Variants in EBNA1BP2 observed in about 807,000 individuals in gnomAD.
The protein encoded by EBNA1BP2 is EBNA1 binding protein 2, also known as probable rRNA-processing protein EBP2.
Under a neutral mutation model 43.5 loss-of-function variants are expected in EBNA1BP2, and 36 were observed. The observed-to-expected ratio is 0.83, with a 90% CI of 0.63 to 1.09. The LOEUF is 1.09. Among genes scored for constraint, EBNA1BP2 ranks in the 50% least tolerant of loss-of-function variants. The probability of loss-of-function intolerance (pLI) is 0.00; values close to 1 mark genes in which losing one functional copy is unlikely to be tolerated. For synonymous variants in EBNA1BP2, 127 were observed against 141.3 expected (o/e 0.90, Z 0.72); for missense variants, 332 against 379.1 (o/e 0.88, Z 1.03).
chr1:43,171,903 T>C lies in EBNA1BP2; in HGVS notation c.133A>G (p.Lys45Glu). Residue 45 changes from lysine to glutamate, a missense_variant, in exon 2 of 9, where the codon AAG becomes GAG. Physicochemically the swap from Lys to Glu is moderately conservative, Grantham distance 56. Transcript: ENST00000236051. ...GLNVVLEGPK[K>E]AVNDVNGLKQ... ...ACGCTCACCACGTCGTTCACGGCCT[T>C]CTTCGGCCCCTCTAGCACGACATTG... 4 of 1,614,090 alleles carry C rather than the reference T, an allele frequency of 2.5e-6. No individual in the cohort carries two copies. The highest frequency in any genetic ancestry group is 3.4e-6 in the Non-Finnish European group (4 of 1,179,982).
upstream of EBNA1BP2, chr1:43,172,568 A>AG: frequency 2.6e-6 from 1 of 379,028 alleles, no homozygotes; most frequent in Non-Finnish European, 4.4e-6. Context: ...ACCCCGGGGG[A>AG]GGGGAAAGGG....
intron 4 of EBNA1BP2, among the ~76,000 whole-genome samples, chr1:43,170,456 C>T (rs1169284168): frequency 6.6e-6 from 1 of 152,266 alleles, no homozygotes; most frequent in Non-Finnish European, 1.5e-5. Context: ...GTCCTCTCTG[C>T]ACACCATGTC....
At chr1:43,164,892 A>G in intron 7 of EBNA1BP2, 87 bp from the exon 8 acceptor site, 2 of 1,531,590 alleles carry the variant, frequency 1.3e-6, no homozygotes, top group South Asian at 2.5e-5. Context: ...TTTCCTTTCT[A>G]TAAGCAAAGC....
At chr1:43,171,766 T>A (rs957179992) in intron 2 of EBNA1BP2, 115 bp from the exon 3 acceptor site, 1 of 1,562,070 alleles carries the variant, frequency 6.4e-7, no homozygotes, top group Non-Finnish European at 8.7e-7. Flanking sequence ...GACAGGTAAT[T>A]GACCCTCTTG....
chr1:43,169,981 C>A (rs1281371381), intron 4 of EBNA1BP2, among the ~76,000 whole-genome samples: 3 of 152,112 alleles, frequency 2.0e-5, no homozygotes, highest in Non-Finnish European at 4.4e-5. Context: ...ACGGTTTCAT[C>A]CCAAAACTAT....
At chr1:43,170,036 C>G (rs1327449222) in intron 4 of EBNA1BP2, among the ~76,000 whole-genome samples, 2 of 152,210 alleles carry the variant, frequency 1.3e-5, no homozygotes, top group African/African-American at 2.4e-5. Flanking sequence ...CGAAACTAGT[C>G]TCTAGTGCCA....
chr1:43,169,056 G>A, intron 4 of EBNA1BP2, 28 bp from the exon 5 acceptor site: 1 of 1,609,838 alleles, frequency 6.2e-7, no homozygotes, highest in Non-Finnish European at 8.5e-7. Flanking sequence ...GTCAGTTCAT[G>A]TCATTTGAAT....
Position 43,171,678 on chromosome 1 carries a change from A to C in EBNA1BP2, c.151-27T>G. 1 of 1,608,080 alleles carries C rather than the reference A, an allele frequency of 6.2e-7. No individual in the cohort carries two copies. ...TAGGAAATCCAGACACTGAGCTCAC[A>C]AGAAGGGAACTCTGAGTTTGTCTTT... is the stretch of plus-strand genomic sequence containing the variant. On this transcript the variant is annotated intron_variant, in intron 2 of 8. Coordinates refer to ENST00000236051, the MANE Select transcript of EBNA1BP2 (RefSeq NM_006824.3).
chr1:43,171,004 C>A, intron 3 of EBNA1BP2, 125 bp from the exon 4 acceptor site: 1 of 1,339,222 alleles, frequency 7.5e-7, no homozygotes, highest in Admixed American at 3.0e-5. Context: ...TTAGCAAGAA[C>A]AAACAAACAA....
intron 7 of EBNA1BP2, among the ~76,000 whole-genome samples, chr1:43,166,182 TC>T (rs1363190387): frequency 6.6e-6 from 1 of 152,220 alleles, no homozygotes; most frequent in Non-Finnish European, 1.5e-5. Flanking sequence ...GCATGGTAAC[TC>T]GTTCAAAACT....
At position 43,164,258 on chromosome 1, in the gene EBNA1BP2, G is replaced by T. The variant is rs1644902935; in HGVS notation, c.*185C>A. On this transcript the variant is annotated 3_prime_UTR_variant, in exon 9 of 9. Coordinates refer to ENST00000236051, the MANE Select transcript of EBNA1BP2 (RefSeq NM_006824.3). ...TCTAAATTATCAATAGATAGCAATG[G>T]AAAGTAACTTCTCAATCTTTTAGTC... 3.1e-6 allele frequency: 2 copies of T among 648,008 alleles called. No individual in the cohort carries two copies. The highest frequency in any genetic ancestry group is 2.6e-6 in the Non-Finnish European group (1 of 381,906). The allele number at this position is 648,008 out of a possible 1,614,324, so 40.1% of individuals were successfully genotyped here.
intron 4 of EBNA1BP2, 116 bp downstream of exon 4, chr1:43,170,640 A>C (rs937020065): frequency 2.1e-6 from 3 of 1,434,800 alleles, no homozygotes; most frequent in Non-Finnish European, 2.8e-6. Flanking sequence ...AAGAGGTAAT[A>C]ATTGTCCTCT....
chr1:43,171,073 A>AG, intron 3 of EBNA1BP2, 194 bp from the exon 4 acceptor site: 1 of 746,638 alleles, frequency 1.3e-6, no homozygotes, highest in Non-Finnish European at 1.9e-6. Flanking sequence ...GTTTTTAAAA[A>AG]GGGGAGGGGT....
chr1:43,164,945 A>T, intron 7 of EBNA1BP2, 140 bp from the exon 8 acceptor site: 1 of 1,060,442 alleles, frequency 9.4e-7, no homozygotes, highest in South Asian at 1.6e-5. Flanking sequence ...CCTTGGCCCC[A>T]CAATCCTATG....
Position 43,166,857 on chromosome 1 carries a change from C to G in EBNA1BP2, c.676G>C (p.Ala226Pro). 1 of 1,612,678 alleles carries G rather than the reference C, an allele frequency of 6.2e-7. No homozygotes were observed. The highest frequency in any genetic ancestry group is 2.2e-5 in the East Asian group (1 of 44,878). ...CTCATCTGCTGGCCTTTGGCTCCTG[C>G]CTTCTTGCGCTGTGCCAGAGGTTTC... ...DQKPLAQRKK[A>P]GAKGQQMRKG... Residue 226 changes from alanine to proline, a missense_variant, in exon 7 of 9, where the codon GCA becomes CCA. By Grantham distance (27) the Ala-to-Pro change is conservative. Transcript: ENST00000236051.
At position 43,171,645 on chromosome 1, in the gene EBNA1BP2, G is replaced by C. The variant is rs1490204151; in HGVS notation, c.157C>G (p.Leu53Val). 1 of 1,613,272 alleles carries C rather than the reference G, an allele frequency of 6.2e-7. No homozygotes were observed. The highest frequency in any genetic ancestry group is 8.5e-7 in the Non-Finnish European group (1 of 1,179,692). The change falls in exon 3 of 9, where the codon CTG (leucine) becomes GTG (valine). Residue 53 changes from leucine to valine, a missense_variant. This residue lies in a region of EBNA1BP2 where 182 missense variants were observed against 173.7 expected (regional missense o/e 1.05). Coordinates refer to ENST00000236051, the MANE Select transcript of EBNA1BP2 (RefSeq NM_006824.3). The part of the protein sequence containing the change: ...PKKAVNDVNG[L>V]KQCLAEFKRD... ...TTGAATTCTGCCAAACATTGCTTCA[G>C]GCCATTCTAGGAAATCCAGACACTG...
In EBNA1BP2 at chr1:43,164,426, G is replaced by C. The variant is rs1284437349; in HGVS notation, c.*17C>G. The C allele has an allele frequency of 6.2e-7, 1 of 1,613,950 alleles. No homozygotes were observed. Among genetic ancestry groups the C allele is most frequent in the African/African-American group, 1.3e-5 (1 of 74,916 alleles). ...CTTCATTCCTTTTTCTTGGTTCTTT[G>C]TATTCAAAGATGCTATTTAGTGTGT... On this transcript the variant is annotated 3_prime_UTR_variant, in exon 9 of 9. Transcript: ENST00000236051.
At chr1:43,172,335 C>T (rs1330412613), upstream of EBNA1BP2, 6 of 1,551,532 alleles carry the variant, frequency 3.9e-6, no homozygotes, top group Non-Finnish European at 4.4e-6. Flanking sequence ...ACCATACTTC[C>T]GGTTTGTCGT....
chr1:43,171,082 G>T, intron 3 of EBNA1BP2: 4 of 679,170 alleles, frequency 5.9e-6, no homozygotes, highest in Non-Finnish European at 8.6e-6. Flanking sequence ...AAGGGGAGGG[G>T]TGTTGCTAAA....
Sources: allele counts gnomAD v4.1 joint callset (sites outside exome capture counted in the v4.1 genomes callset), GRCh38; gene constraint gnomAD v4.1.1; regional missense constraint gnomAD v4.1.1; transcripts MANE v1.5; gene names NCBI Gene and HGNC (gene_info 2026-07-23, HGNC 2026-07-21).